The following SMYD3 variants were observed in gnomAD, a reference collection of about 807,000 sequenced individuals.
The protein encoded by SMYD3 is SET and MYND domain containing 3, also known as histone-lysine N-methyltransferase SMYD3.
SMYD3 carries 36 observed loss-of-function variants against 57.7 expected under a neutral mutation model. The observed-to-expected ratio is 0.62, with a 90% confidence interval of 0.48 to 0.82. SMYD3 has a LOEUF of 0.82. Among genes scored for constraint, SMYD3 ranks in the 40% least tolerant of loss-of-function variants. SMYD3 has a pLI of 0.00. For synonymous variants in SMYD3, 211 were observed against 195.0 expected (o/e 1.08, Z -0.68); for missense variants, 515 against 538.8 (o/e 0.96, Z 0.44).
chr1:246,235,743 AG>A (rs1490276811), intron 5 of SMYD3, among the ~76,000 whole-genome samples: 1 of 152,194 alleles, frequency 6.6e-6, no homozygotes, highest in African/African-American at 2.4e-5. Flanking sequence ...GGCTGGGGAA[AG>A]AGCCCTTGGG....
chr1:246,085,513 C>G (rs1191248607), intron 5 of SMYD3, among the ~76,000 whole-genome samples: 1 of 152,122 alleles, frequency 6.6e-6, no homozygotes, highest in Non-Finnish European at 1.5e-5. Context: ...GGTGCCCTCC[C>G]TATACCCAGA....
At chr1:245,964,973 G>T (rs2058103414) in intron 5 of SMYD3, among the ~76,000 whole-genome samples, 1 of 151,938 alleles carries the variant, frequency 6.6e-6, no homozygotes, top group Non-Finnish European at 1.5e-5. Flanking sequence ...ACAGATCCAT[G>T]AAGCTTAGAG....
chr1:246,204,409 T>C (rs2062965860), intron 5 of SMYD3, among the ~76,000 whole-genome samples: 1 of 152,220 alleles, frequency 6.6e-6, no homozygotes, highest in Non-Finnish European at 1.5e-5. Flanking sequence ...TGAAAGCAGA[T>C]CCTGTGTCTC....
Position 246,145,271 on chromosome 1 carries a change from G to A in SMYD3, c.531+181930C>T, listed in dbSNP as rs73141353. Among the ~76,000 whole-genome samples, 1,342 of 152,240 alleles carry A rather than the reference G, an allele frequency of 8.8e-3. 16 individuals carry two copies. The highest frequency in any genetic ancestry group is 0.03 in the African/African-American group (1,249 of 41,548). On this transcript the variant is annotated intron_variant, in intron 5 of 11. Transcript: ENST00000490107. ...GGTTCTTATTTGCAAAATGAAAGCG[G>A]TATAACATCTAACTCAAAAGGCTGT...
At chr1:246,012,544 C>T (rs553465535) in intron 5 of SMYD3, among the ~76,000 whole-genome samples, 106 of 152,250 alleles carry the variant, frequency 7.0e-4, no homozygotes, top group African/African-American at 2.4e-3. Context: ...GTTTTGTAAC[C>T]GCCTCTATCG....
chr1:245,956,362 A>G (rs1053821186), intron 5 of SMYD3, among the ~76,000 whole-genome samples: 4 of 152,244 alleles, frequency 2.6e-5, no homozygotes, highest in African/African-American at 9.6e-5. Context: ...AGGCCAGCAC[A>G]TGCTCAGATG....
At chr1:245,769,220 T>G (rs774192383) in intron 10 of SMYD3, among the ~76,000 whole-genome samples, 48 of 152,216 alleles carry the variant, frequency 3.2e-4, no homozygotes, top group Non-Finnish European at 7.3e-5. Context: ...GTGGGTGGAT[T>G]AACTTGTCAC....
chr1:246,447,606 T>C (rs938989434), intron 1 of SMYD3, among the ~76,000 whole-genome samples: 5 of 152,216 alleles, frequency 3.3e-5, no homozygotes, highest in African/African-American at 1.2e-4. Context: ...CTTTCCAATA[T>C]TTCTTTTTCA....
chr1:245,756,287 C>T (rs1572250322), intron 11 of SMYD3, among the ~76,000 whole-genome samples: 1 of 151,644 alleles, frequency 6.6e-6, no homozygotes, highest in African/African-American at 2.4e-5. Context: ...TACCCTCCCC[C>T]ACTCCCCCAT....
chr1:246,419,569 G>A (rs1479959782), intron 1 of SMYD3, among the ~76,000 whole-genome samples: 5 of 152,114 alleles, frequency 3.3e-5, no homozygotes, highest in South Asian at 2.1e-4. Context: ...TGGGGGTAGC[G>A]CCCTAGCCAG....
chr1:246,230,301 G>A (rs1360779924), intron 5 of SMYD3, among the ~76,000 whole-genome samples: 1 of 152,126 alleles, frequency 6.6e-6, no homozygotes, highest in African/African-American at 2.4e-5. Context: ...AAGGCAGAAA[G>A]AGAAAGAATA....
At chr1:246,327,104 T>C in intron 5 of SMYD3, 97 bp downstream of exon 5, 7 of 1,463,532 alleles carry the variant, frequency 4.8e-6, no homozygotes, top group Non-Finnish European at 5.7e-6. Flanking sequence ...GGGTCTTGAA[T>C]TTCCTGTCAA....
At chr1:246,338,333 G>A (rs568532541) in intron 2 of SMYD3, among the ~76,000 whole-genome samples, 3 of 152,278 alleles carry the variant, frequency 2.0e-5, no homozygotes, top group Admixed American at 6.5e-5. Flanking sequence ...GAAGCAAAAC[G>A]TGACAATCAT....
intron 10 of SMYD3, among the ~76,000 whole-genome samples, chr1:245,765,721 C>A (rs991133674): frequency 6.6e-6 from 1 of 152,062 alleles, no homozygotes; most frequent in Non-Finnish European, 1.5e-5. Flanking sequence ...TCAGAGAGAA[C>A]GAGCAAGGGC....
chr1:245,987,352 G>A (rs989476419), intron 5 of SMYD3, among the ~76,000 whole-genome samples: 1 of 152,174 alleles, frequency 6.6e-6, no homozygotes, highest in African/African-American at 2.4e-5. Context: ...GACTGATGTA[G>A]TCAGGTGTCT....
intron 5 of SMYD3, among the ~76,000 whole-genome samples, chr1:246,243,164 C>T (rs890592720): frequency 6.6e-6 from 1 of 152,088 alleles, no homozygotes; most frequent in Non-Finnish European, 1.5e-5. Context: ...TTCTCAGCAC[C>T]ACATCGCACT....
At chr1:246,029,375 AAAAGAAAATAT>A (rs2059627526) in intron 5 of SMYD3, among the ~76,000 whole-genome samples, 1 of 152,224 alleles carries the variant, frequency 6.6e-6, no homozygotes, top group Non-Finnish European at 1.5e-5. Context: ...GAAATGTCTC[AAAAGAAAATAT>A]GCAGGCCAGG....
At chr1:246,130,885 C>G (rs1193461573) in intron 5 of SMYD3, among the ~76,000 whole-genome samples, 1 of 152,158 alleles carries the variant, frequency 6.6e-6, no homozygotes, top group Non-Finnish European at 1.5e-5. Flanking sequence ...TTAAACAGCT[C>G]TTTACTTAAT....
At chr1:246,346,816 T>C (rs148303481) in intron 2 of SMYD3, among the ~76,000 whole-genome samples, 7 of 152,176 alleles carry the variant, frequency 4.6e-5, no homozygotes, top group African/African-American at 1.7e-4. Flanking sequence ...AAAAACATAG[T>C]TTGAAGAGAC....
Sources: gnomAD v4.1 joint callset for allele counts (sites outside exome capture counted in the v4.1 genomes callset) on GRCh38, gnomAD v4.1.1 for gene constraint, MANE v1.5 for transcripts, NCBI Gene and HGNC (gene_info 2026-07-23, HGNC 2026-07-21) for gene names.